GALNTL6: variants seen among roughly 807,000 people sequenced by gnomAD.
GALNTL6 encodes the protein polypeptide N-acetylgalactosaminyltransferase-like 6.
Under a neutral mutation model 73.7 loss-of-function variants are expected in GALNTL6, and 46 were observed. The ratio of observed to expected loss-of-function variants is 0.62; its 90% CI spans 0.49 to 0.80. GALNTL6 has a LOEUF of 0.80. GALNTL6 is among the 30% of genes least tolerant of loss of function. The pLI is 0.00. For synonymous variants in GALNTL6, 259 were observed against 263.7 expected, an observed-to-expected ratio of 0.98 and a Z score of 0.17; for missense variants, 604 against 755.0, an observed-to-expected ratio of 0.80 and a Z score of 2.34.
intron 2 of GALNTL6, among the ~76,000 whole-genome samples, chr4:171,837,018 A>G (rs1735110788): frequency 6.6e-6 from 1 of 152,204 alleles, no homozygotes; most frequent in Non-Finnish European, 1.5e-5. Context: ...AATAATTACA[A>G]AGGGGAAAAG....
chr4:172,898,291 TACAC>T (rs5741949), intron 8 of GALNTL6, among the ~76,000 whole-genome samples: 67,490 of 147,106 alleles, frequency 0.46, 15,989 homozygotes, highest in East Asian at 0.53. Flanking sequence ...TATACTTTAT[TACAC>T]ACACACACAC....
chr4:172,512,692 C>A (rs368405201), intron 5 of GALNTL6, among the ~76,000 whole-genome samples: 4 of 152,224 alleles, frequency 2.6e-5, no homozygotes, highest in South Asian at 4.1e-4. Context: ...ATCTTTCCTT[C>A]ATTTATAAGA....
At chr4:172,579,565 C>A (rs1270368297) in intron 5 of GALNTL6, among the ~76,000 whole-genome samples, 1 of 152,084 alleles carries the variant, frequency 6.6e-6, no homozygotes, top group African/African-American at 2.4e-5. Context: ...CACTCCTTAG[C>A]TATTAAACAA....
At chr4:171,853,932 CT>C (rs1735606921) in intron 2 of GALNTL6, among the ~76,000 whole-genome samples, 1 of 152,008 alleles carries the variant, frequency 6.6e-6, no homozygotes, top group Admixed American at 6.6e-5. Context: ...CTCTTCATGT[CT>C]CTTTCTTTCT....
At chr4:172,612,207 T>A (rs1268001316) in intron 5 of GALNTL6, among the ~76,000 whole-genome samples, 1 of 152,044 alleles carries the variant, frequency 6.6e-6, no homozygotes, top group Non-Finnish European at 1.5e-5. Context: ...ATCCAAAATG[T>A]TTAACTTCTT....
intron 2 of GALNTL6, among the ~76,000 whole-genome samples, chr4:171,968,844 G>C (rs191120676): frequency 3.3e-5 from 5 of 149,336 alleles, no homozygotes; most frequent in East Asian, 2.0e-4. Flanking sequence ...TGCGGGGTGG[G>C]GGGGGGGTTG....
At chr4:171,955,590 G>A (rs998450879) in intron 2 of GALNTL6, among the ~76,000 whole-genome samples, 12 of 151,996 alleles carry the variant, frequency 7.9e-5, no homozygotes, top group Admixed American at 7.2e-4. Flanking sequence ...TACCTAATGC[G>A]ATGTAAATTC....
At chr4:171,895,161 G>C (rs1359954730) in intron 2 of GALNTL6, among the ~76,000 whole-genome samples, 7 of 152,242 alleles carry the variant, frequency 4.6e-5, no homozygotes, top group African/African-American at 1.7e-4. Context: ...GTAAAATCTG[G>C]ACACAATATC....
intron 5 of GALNTL6, among the ~76,000 whole-genome samples, chr4:172,387,341 A>C (rs1994181): frequency 0.99 from 150,905 of 152,300 alleles, 74,783 homozygotes; most frequent in Middle Eastern, 1. Context: ...TACAGATATG[A>C]CAGAAATGAA....
chr4:171,951,725 G>GA (rs200794504), intron 2 of GALNTL6, among the ~76,000 whole-genome samples: 2,976 of 152,020 alleles, frequency 0.02, 98 homozygotes, highest in African/African-American at 0.068. Flanking sequence ...GAAATCTGCG[G>GA]AAAAAATTGC....
At chr4:173,035,953 C>T (rs969934924) in intron 12 of GALNTL6, among the ~76,000 whole-genome samples, 16 of 152,150 alleles carry the variant, frequency 1.1e-4, no homozygotes, top group Admixed American at 9.8e-4. Flanking sequence ...GGAGGAATCA[C>T]TATTACTTAG....
chr4:172,738,462 AT>A (rs1736596833), intron 5 of GALNTL6, among the ~76,000 whole-genome samples: 1 of 152,162 alleles, frequency 6.6e-6, no homozygotes, highest in Admixed American at 6.6e-5. Context: ...CTACACCACC[AT>A]TTTGGATAAA....
chr4:171,966,971 A>G (rs1739401715), intron 2 of GALNTL6, among the ~76,000 whole-genome samples: 4 of 152,210 alleles, frequency 2.6e-5, no homozygotes, highest in Admixed American at 2.6e-4. Flanking sequence ...ATAGCCTAAT[A>G]TAAGATACTC....
chr4:172,568,444 T>C (rs1006901570), intron 5 of GALNTL6, among the ~76,000 whole-genome samples: 7 of 152,106 alleles, frequency 4.6e-5, no homozygotes, highest in Admixed American at 2.0e-4. Context: ...TAAGGTCTCT[T>C]TTAAACTAGT....
At chr4:172,350,942 A>G (rs1348544840) in intron 5 of GALNTL6, among the ~76,000 whole-genome samples, 2 of 152,098 alleles carry the variant, frequency 1.3e-5, no homozygotes, top group Admixed American at 1.3e-4. Flanking sequence ...CATTTGGTAA[A>G]TTAACTTTCT....
chr4:172,797,870 A>G (rs987238942), intron 5 of GALNTL6, among the ~76,000 whole-genome samples: 3 of 151,846 alleles, frequency 2.0e-5, no homozygotes, highest in African/African-American at 4.8e-5. Context: ...CTCCTGAATT[A>G]TATACTTTTC....
chr4:171,954,286 T>G (rs1203681061), intron 2 of GALNTL6, among the ~76,000 whole-genome samples: 1 of 152,322 alleles, frequency 6.6e-6, no homozygotes, highest in East Asian at 1.9e-4. Context: ...ATTCTTGCAC[T>G]ATGTAATAGA....
rs187739505 is a variant in GALNTL6, at chr4:172,544,177, A to T, written c.553+195488A>T. On this transcript the variant is annotated intron_variant, in intron 5 of 12. Transcript: ENST00000506823. ...ATCCTGGTATAGGTTTTTTTCCTCA[A>T]CAGCCTGTATCTGTGGAGTATATGA... 8.1e-4 allele frequency among the ~76,000 whole-genome samples: 123 copies of T among 152,208 alleles called. 2 individuals are homozygous for T. The South Asian group carries it at 0.017, about 22-fold the overall frequency.
chr4:172,922,956 A>C (rs765312683), intron 8 of GALNTL6, among the ~76,000 whole-genome samples: 4 of 152,154 alleles, frequency 2.6e-5, no homozygotes, highest in Non-Finnish European at 4.4e-5. Context: ...GAGGAAATGG[A>C]GGTCTAGAAA....
Sources: allele counts gnomAD v4.1 joint callset (sites outside exome capture counted in the v4.1 genomes callset), GRCh38; gene constraint gnomAD v4.1.1; transcripts MANE v1.5; gene names NCBI Gene and HGNC (gene_info 2026-07-23, HGNC 2026-07-21).